Variants in CABLES1 observed in about 807,000 individuals in gnomAD.
CABLES1 encodes the protein Cdk5 and Abl enzyme substrate 1.
A neutral mutation model predicts 57.8 loss-of-function variants in CABLES1; 36 were observed. The observed-to-expected ratio is 0.62, with a 90% CI of 0.48 to 0.82. The LOEUF is 0.82. Ranked by LOEUF, CABLES1 falls within the 40% of genes least tolerant of loss-of-function variation. The pLI is 0.00. For synonymous variants in CABLES1, 374 were observed against 363.0 expected, an observed-to-expected ratio of 1.03 and a Z score of -0.35; for missense variants, 767 against 836.6, an observed-to-expected ratio of 0.92 and a Z score of 1.03.
chr18:23,189,828 A>C (rs1038476762), intron 2 of CABLES1, among the ~76,000 whole-genome samples: 1 of 152,184 alleles, frequency 6.6e-6, no homozygotes, highest in African/African-American at 2.4e-5. Context: ...TCCCCACCTG[A>C]AGCTTCACTC....
At chr18:23,210,096 C>T (rs1317417691) in intron 3 of CABLES1, among the ~76,000 whole-genome samples, 1 of 152,222 alleles carries the variant, frequency 6.6e-6, no homozygotes, top group Non-Finnish European at 1.5e-5. Flanking sequence ...TTTCAGGAAG[C>T]ATTGTGTACC....
intron 1 of CABLES1, among the ~76,000 whole-genome samples, chr18:23,174,821 C>CATATATATATATATATATATAT (rs569579022): frequency 2.4e-4 from 23 of 94,556 alleles, no homozygotes; most frequent in African/African-American, 4.1e-4. Context: ...CATGTTACAC[C>CATATATATATATATATATATAT]ATATATATAT....
At chr18:23,191,670 ATCTT>A (rs1200502972) in intron 2 of CABLES1, among the ~76,000 whole-genome samples, 5 of 152,214 alleles carry the variant, frequency 3.3e-5, no homozygotes, top group African/African-American at 1.2e-4. Context: ...GAAAGAGCTA[ATCTT>A]TCATTAAATT....
At chr18:23,242,529 A>G (rs2047761671) in intron 7 of CABLES1, among the ~76,000 whole-genome samples, 1 of 152,150 alleles carries the variant, frequency 6.6e-6, no homozygotes, top group Admixed American at 6.5e-5. Flanking sequence ...CCAGGTCGGT[A>G]GTGGGTTTTT....
chr18:23,136,726 T>C (rs2046825302), intron 1 of CABLES1, 119 bp downstream of exon 1: 3 of 635,136 alleles, frequency 4.7e-6, no homozygotes. Flanking sequence ...CCCTGCCGGA[T>C]CCTGTGCTCC....
intron 5 of CABLES1, among the ~76,000 whole-genome samples, 174 bp from the exon 6 acceptor site, chr18:23,235,721 G>A (rs2047601913): frequency 6.6e-6 from 1 of 152,246 alleles, no homozygotes; most frequent in South Asian, 2.1e-4. Context: ...CAGGTTGGGT[G>A]TTGGCACCAA....
intron 1 of CABLES1, among the ~76,000 whole-genome samples, chr18:23,170,260 CA>C (rs1179208159): frequency 6.6e-6 from 1 of 152,164 alleles, no homozygotes; most frequent in African/African-American, 2.4e-5. Context: ...GTGCATGGCG[CA>C]AATTGTTCCC....
intron 3 of CABLES1, among the ~76,000 whole-genome samples, chr18:23,194,839 T>C (rs542899735): frequency 4.6e-4 from 70 of 152,276 alleles, no homozygotes; most frequent in Admixed American, 3.9e-4. Context: ...AGAAAAACAG[T>C]TGAGTTTTGG....
intron 4 of CABLES1, among the ~76,000 whole-genome samples, chr18:23,224,230 C>G (rs554903299): frequency 4.0e-5 from 6 of 150,700 alleles, no homozygotes; most frequent in Admixed American, 4.0e-4. Context: ...GGAATGGGCA[C>G]AAGTAGCCCA....
chr18:23,246,695 T>A (rs1423565477), intron 7 of CABLES1, among the ~76,000 whole-genome samples: 1 of 151,390 alleles, frequency 6.6e-6, no homozygotes, highest in Non-Finnish European at 1.5e-5. Flanking sequence ...CCGGCCAGTT[T>A]TTTCGTTTTT....
intron 2 of CABLES1, 151 bp from the exon 3 acceptor site, chr18:23,194,297 G>A: frequency 5.4e-6 from 3 of 555,562 alleles, no homozygotes; most frequent in Non-Finnish European, 9.7e-6. Flanking sequence ...CTTGCTTCCA[G>A]CCGTGTTGTC....
chr18:23,203,168 C>T (rs2047338489), intron 3 of CABLES1, among the ~76,000 whole-genome samples: 1 of 152,126 alleles, frequency 6.6e-6, no homozygotes, highest in African/African-American at 2.4e-5. Context: ...CCCTCTGTCA[C>T]GTGCCTGCAT....
At chr18:23,193,233 C>T (rs2047258182) in intron 2 of CABLES1, among the ~76,000 whole-genome samples, 1 of 149,464 alleles carries the variant, frequency 6.7e-6, no homozygotes, top group East Asian at 2.0e-4. Flanking sequence ...ACTCTGTCAC[C>T]CAGGCTGGAG....
chr18:23,208,434 G>A (rs1284775944), intron 3 of CABLES1, among the ~76,000 whole-genome samples: 1 of 152,228 alleles, frequency 6.6e-6, no homozygotes, highest in Non-Finnish European at 1.5e-5. Context: ...AGAAGAGACG[G>A]AAAGGGGTCA....
chr18:23,229,853 AG>A (rs2047554421), intron 4 of CABLES1, among the ~76,000 whole-genome samples: 1 of 152,256 alleles, frequency 6.6e-6, no homozygotes, highest in South Asian at 2.1e-4. Flanking sequence ...AAGACTGAGC[AG>A]TTGCCTGAGC....
chr18:23,201,013 C>T (rs560504755), intron 3 of CABLES1, among the ~76,000 whole-genome samples: 33 of 152,302 alleles, frequency 2.2e-4, no homozygotes, highest in Non-Finnish European at 4.1e-4. Flanking sequence ...CCAGAAGCCT[C>T]GTAGTCAGCC....
chr18:23,180,320 TATC>T (rs1024515772), intron 1 of CABLES1, among the ~76,000 whole-genome samples: 10 of 152,240 alleles, frequency 6.6e-5, no homozygotes, highest in African/African-American at 2.2e-4. Flanking sequence ...CGAACAATGT[TATC>T]ATCACTTATC....
intron 4 of CABLES1, among the ~76,000 whole-genome samples, chr18:23,230,883 C>T (rs1185780976): frequency 1.3e-5 from 2 of 152,178 alleles, no homozygotes; most frequent in African/African-American, 2.4e-5. Flanking sequence ...AAAACTGTCA[C>T]ACCCGCCCCG....
intron 3 of CABLES1, 100 bp downstream of exon 3, chr18:23,194,640 CCACA>C: frequency 1.3e-6 from 1 of 758,924 alleles, no homozygotes; most frequent in South Asian, 1.5e-5. Context: ...AAACGCAAGC[CCACA>C]CTTTTAAGAT....
Sources: gnomAD v4.1 joint callset for allele counts (sites outside exome capture counted in the v4.1 genomes callset) on GRCh38, gnomAD v4.1.1 for gene constraint, MANE v1.5 for transcripts, NCBI Gene and HGNC (gene_info 2026-07-23, HGNC 2026-07-21) for gene names.